The following COL21A1 variants were observed in gnomAD, a reference collection of about 807,000 sequenced individuals.
COL21A1 encodes collagen type XXI alpha 1 chain, also known as collagen alpha-1(XXI) chain.
In COL21A1, 149 loss-of-function variants were observed where a neutral mutation model predicts 137.9. The observed-to-expected ratio is 1.08, with a 90% CI of 0.95 to 1.24. The LOEUF (loss-of-function observed/expected upper bound fraction) is 1.24. COL21A1 is among the 50% of genes most tolerant of loss of function. The pLI is 0.00. For missense variants in COL21A1, 1,167 were observed against 1,158.4 expected (o/e 1.01, Z -0.11); for synonymous variants, 456 against 391.5 (o/e 1.16, Z -1.95).
At chr6:56,376,446 G>GTT (rs11395018) in intron 1 of COL21A1, among the ~76,000 whole-genome samples, 3,538 of 146,304 alleles carry the variant, frequency 0.024, 114 homozygotes, top group African/African-American at 0.077. Flanking sequence ...GGTAAAGAAA[G>GTT]TTTTTTTTTT....
At chr6:56,279,590 A>T (rs1763747178) in intron 1 of COL21A1, among the ~76,000 whole-genome samples, 1 of 152,200 alleles carries the variant, frequency 6.6e-6, no homozygotes, top group African/African-American at 2.4e-5. Context: ...AGGATTGTGC[A>T]GGAAAAATTC....
chr6:56,268,952 T>C (rs1038318421), intron 1 of COL21A1, among the ~76,000 whole-genome samples: 12 of 151,916 alleles, frequency 7.9e-5, no homozygotes, highest in Non-Finnish European at 1.6e-4. Flanking sequence ...AACTGAAAAA[T>C]TTACCACAAG....
chr6:56,394,027 A>G (rs557460512), exon 1 of COL21A1: 10 of 152,400 alleles, frequency 6.6e-5, no homozygotes, highest in Non-Finnish European at 1.5e-4. Context: ...CTGCAGGTTG[A>G]GAGAAGCTCC....
chr6:56,311,042 A>C (rs965947160), intron 1 of COL21A1, among the ~76,000 whole-genome samples: 8 of 152,226 alleles, frequency 5.3e-5, no homozygotes, highest in African/African-American at 1.9e-4. Context: ...GTTTTAAAAG[A>C]TATAACAAGT....
At chr6:56,119,418 A>T (rs945972065) in intron 16 of COL21A1, among the ~76,000 whole-genome samples, 1 of 152,102 alleles carries the variant, frequency 6.6e-6, no homozygotes, top group East Asian at 1.9e-4. Context: ...AGGACACCAA[A>T]AAATAAAAAA....
intron 1 of COL21A1, among the ~76,000 whole-genome samples, chr6:56,297,764 G>T (rs1764195052): frequency 6.6e-6 from 1 of 152,028 alleles, no homozygotes; most frequent in African/African-American, 2.4e-5. Context: ...GTTCTCAAAA[G>T]GTCACAACAC....
intron 16 of COL21A1, among the ~76,000 whole-genome samples, chr6:56,117,190 T>C (rs934599640): frequency 3.3e-5 from 5 of 151,914 alleles, no homozygotes; most frequent in African/African-American, 1.2e-4. Context: ...CATTGATCTA[T>C]TGCCTACAGT....
In COL21A1 at chr6:56,182,624, T is replaced by C. The variant is rs114510213; in HGVS notation, c.-6A>G. 9.5e-4 allele frequency: 1,505 copies of C among 1,588,916 alleles called. 11 individuals carry two copies. The African/African-American group carries it at 0.016, about 16-fold the overall frequency. On this transcript the variant is annotated 5_prime_UTR_variant, in exon 2 of 30. Transcript: ENST00000244728. ...AATGTAATATAGTGAGCCATGTTTC[T>C]GTTTTCGTTCTAATATTTTGGTTTT...
At position 56,091,064 on chromosome 6, in the gene COL21A1, G is replaced by A. The variant is rs76218115; in HGVS notation, c.1812+10408C>T. 2.2e-3 allele frequency among the ~76,000 whole-genome samples: 337 copies of A among 152,168 alleles called. 6 individuals are homozygous for A. In the East Asian group the frequency reaches 0.037, roughly 17 times the overall value. ...CTAAATAAAAAATATAGTCAAGCAGGCAAATAAAGATACCTCCACTTTACT... is the reference window on the plus strand; with the variant it reads ...CTAAATAAAAAATATAGTCAAGCAGACAAATAAAGATACCTCCACTTTACT... On this transcript the variant is annotated intron_variant, in intron 17 of 29. Coordinates refer to ENST00000244728, the MANE Select transcript of COL21A1 (RefSeq NM_030820.4).
At chr6:56,098,010 T>TAG (rs1313405642) in intron 17 of COL21A1, among the ~76,000 whole-genome samples, 1 of 63,236 alleles carries the variant, frequency 1.6e-5, no homozygotes, top group African/African-American at 7.7e-5. Context: ...TATAAATATA[T>TAG]AAATATATAT....
intron 22 of COL21A1, among the ~76,000 whole-genome samples, chr6:56,068,529 T>A (rs1377510072): frequency 6.6e-6 from 1 of 151,568 alleles, no homozygotes; most frequent in Non-Finnish European, 1.5e-5. Flanking sequence ...CAAAATATTT[T>A]AAATTAGTAT....
Position 56,069,078 on chromosome 6 carries a change from A to G in COL21A1, c.2059T>C (p.Tyr687His). ...GATGSPGEPG[Y>H]MGLPGIQGKK... is the part of the protein sequence containing the mutation. ...CCTTGAATCCCGGGTAAACCCATGT[A>G]TCCTGGTTCTCCTGGGGAACCCGTT... Residue 687 changes from tyrosine to histidine, a missense_variant, in exon 22 of 30, where the codon TAC becomes CAC. Transcript: ENST00000244728. 6.2e-7 allele frequency: 1 copy of G among 1,600,634 alleles called. No homozygotes were observed. The highest frequency in any genetic ancestry group is 8.5e-7 in the Non-Finnish European group (1 of 1,173,488).
intron 17 of COL21A1, among the ~76,000 whole-genome samples, chr6:56,096,227 C>A (rs1769312812): frequency 6.6e-6 from 1 of 152,114 alleles, no homozygotes; most frequent in Non-Finnish European, 1.5e-5. Context: ...CTTCCACAGC[C>A]TTTCAGGCTC....
At chr6:56,123,850 C>G (rs1332368373) in intron 16 of COL21A1, among the ~76,000 whole-genome samples, 1 of 152,146 alleles carries the variant, frequency 6.6e-6, no homozygotes, top group Non-Finnish European at 1.5e-5. Flanking sequence ...CTTGTAATAT[C>G]CTATGATTCA....
At chr6:56,272,469 G>A (rs1336574717) in intron 1 of COL21A1, among the ~76,000 whole-genome samples, 1 of 152,166 alleles carries the variant, frequency 6.6e-6, no homozygotes. Flanking sequence ...TGTCTCAAAT[G>A]AGACTTTGGA....
chr6:56,189,666 G>A (rs987856028), intron 1 of COL21A1, among the ~76,000 whole-genome samples: 11 of 152,186 alleles, frequency 7.2e-5, no homozygotes, highest in African/African-American at 2.2e-4. Context: ...ACACATAATC[G>A]TCAGATTCAC....
intron 1 of COL21A1, among the ~76,000 whole-genome samples, chr6:56,253,816 G>A (rs1470098197): frequency 6.6e-6 from 1 of 152,014 alleles, no homozygotes; most frequent in Non-Finnish European, 1.5e-5. Flanking sequence ...AAAGAGCTTG[G>A]CAACAATAAT....
intron 1 of COL21A1, among the ~76,000 whole-genome samples, chr6:56,229,286 T>C (rs1323646671): frequency 6.6e-6 from 1 of 151,898 alleles, no homozygotes; most frequent in Non-Finnish European, 1.5e-5. Flanking sequence ...CTCAGGAGCC[T>C]GAGAGGACAG....
At chr6:56,205,201 T>C (rs559091581) in intron 1 of COL21A1, among the ~76,000 whole-genome samples, 1 of 152,284 alleles carries the variant, frequency 6.6e-6, no homozygotes, top group Admixed American at 6.5e-5. Flanking sequence ...TAAAGGAGCA[T>C]GTTCTAACCC....
Sources: gnomAD v4.1 joint callset for allele counts (sites outside exome capture counted in the v4.1 genomes callset) on GRCh38, gnomAD v4.1.1 for gene constraint, MANE v1.5 for transcripts, NCBI Gene and HGNC (gene_info 2026-07-23, HGNC 2026-07-21) for gene names.